Variants in PPARGC1B observed in about 807,000 individuals in gnomAD.
PPARGC1B encodes peroxisome proliferator-activated receptor gamma coactivator 1-beta.
In PPARGC1B, 34 loss-of-function variants were observed where a neutral mutation model predicts 101.6. The ratio of observed to expected loss-of-function variants is 0.33; its 90% CI spans 0.25 to 0.45. The LOEUF is 0.45. Ranked by LOEUF, PPARGC1B falls within the 20% of genes least tolerant of loss-of-function variation. The pLI, the probability that PPARGC1B is intolerant of heterozygous loss-of-function variation, is 1.00. For missense variants in PPARGC1B, 1,234 were observed against 1,317.6 expected (o/e 0.94, Z 0.98); for synonymous variants, 548 against 539.3 (o/e 1.02, Z -0.22).
intron 3 of PPARGC1B, among the ~76,000 whole-genome samples, chr5:149,828,182 C>T (rs1758602066): frequency 6.6e-6 from 1 of 152,200 alleles, no homozygotes; most frequent in Non-Finnish European, 1.5e-5. Flanking sequence ...CCTTCAAGTT[C>T]CCCAAAGCAG....
chr5:149,832,118 C>T lies in PPARGC1B; in HGVS notation c.583-538C>T, dbSNP rs1235314928. On this transcript the variant is annotated intron_variant, in intron 4 of 11. Coordinates refer to ENST00000309241, the MANE Select transcript of PPARGC1B (RefSeq NM_133263.4). This position sits in a 1 kb window ranked among gnomAD's most constrained non-coding sequence, Gnocchi z 4.9. ...GCTCAGGAGTTCAAGACCAGCCTGGCCAACGTGGTGAAACCTTGTCTCTAC... is the reference window on the plus strand; with the variant it reads ...GCTCAGGAGTTCAAGACCAGCCTGGTCAACGTGGTGAAACCTTGTCTCTAC... Among the ~76,000 whole-genome samples the T allele has an allele frequency of 6.6e-6, 1 of 151,954 alleles. No individual in the cohort carries two copies. Among genetic ancestry groups the T allele is most frequent in the Non-Finnish European group, 1.5e-5 (1 of 67,972 alleles).
At chr5:149,757,475 A>G (rs1287366538) in intron 1 of PPARGC1B, among the ~76,000 whole-genome samples, 1 of 152,182 alleles carries the variant, frequency 6.6e-6, no homozygotes, top group Non-Finnish European at 1.5e-5. Flanking sequence ...CTTGAGCTAC[A>G]GTATTTATTT....
At chr5:149,746,581 G>C (rs1371745176) in intron 1 of PPARGC1B, among the ~76,000 whole-genome samples, 1 of 152,082 alleles carries the variant, frequency 6.6e-6, no homozygotes, top group Admixed American at 6.5e-5. Flanking sequence ...ATATCTCTTG[G>C]AGACCCTGAC....
chr5:149,740,311 G>A (rs1444833482), intron 1 of PPARGC1B, among the ~76,000 whole-genome samples: 1 of 152,226 alleles, frequency 6.6e-6, no homozygotes, highest in Non-Finnish European at 1.5e-5. Context: ...GTGAAGAATA[G>A]TTGAGGCAAT....
At chr5:149,809,808 G>A (rs114671430) in intron 1 of PPARGC1B, among the ~76,000 whole-genome samples, 1,796 of 151,798 alleles carry the variant, frequency 0.012, 34 homozygotes, top group African/African-American at 0.041. Context: ...AGTGCTAATC[G>A]AGGGAATTCC....
chr5:149,780,318 T>G (rs1408502620), intron 1 of PPARGC1B, among the ~76,000 whole-genome samples: 3 of 152,238 alleles, frequency 2.0e-5, no homozygotes, highest in Admixed American at 2.0e-4. Context: ...TGACCCACGT[T>G]GGCTCTCCTG....
chr5:149,847,629 A>T lies in PPARGC1B; in HGVS notation c.*71A>T. 1 of 1,213,052 alleles carries T rather than the reference A, an allele frequency of 8.2e-7. No homozygotes were observed. Among genetic ancestry groups the T allele is most frequent in the Non-Finnish European group, 1.2e-6 (1 of 828,716 alleles). The allele number at this position is 1,213,052 out of a possible 1,614,324, so 75.1% of individuals were successfully genotyped here. On this transcript the variant is annotated 3_prime_UTR_variant, in exon 12 of 12. Coordinates refer to ENST00000309241, the MANE Select transcript of PPARGC1B (RefSeq NM_133263.4). ...CCCTTCCAATATGTTTACGTTTTCA[A>T]AGAAATCAAGTATATGAGGAGAGCG...
At chr5:149,736,741 C>T (rs1754725955) in intron 1 of PPARGC1B, among the ~76,000 whole-genome samples, 1 of 152,164 alleles carries the variant, frequency 6.6e-6, no homozygotes, top group African/African-American at 2.4e-5. Context: ...CCCATGGCTC[C>T]TCAGTACATT....
At chr5:149,793,774 A>C (rs558715715) in intron 1 of PPARGC1B, among the ~76,000 whole-genome samples, 1 of 152,174 alleles carries the variant, frequency 6.6e-6, no homozygotes, top group South Asian at 2.1e-4. Flanking sequence ...CTGAGACCCT[A>C]AAAACCAACG....
chr5:149,780,041 G>T (rs748113712), intron 1 of PPARGC1B, among the ~76,000 whole-genome samples: 4 of 152,238 alleles, frequency 2.6e-5, no homozygotes, highest in Non-Finnish European at 5.9e-5. Context: ...AGGTCTGAGT[G>T]AAAGGGCTTT....
chr5:149,847,333 C>T (rs751421098), intron 11 of PPARGC1B, 125 bp from the exon 12 acceptor site: 1 of 804,514 alleles, frequency 1.2e-6, no homozygotes, highest in African/African-American at 1.7e-5. Context: ...ATCCCAGCTC[C>T]CCAAGGCCTT....
intron 1 of PPARGC1B, among the ~76,000 whole-genome samples, chr5:149,784,820 GC>G (rs1462535103): frequency 6.6e-6 from 1 of 151,892 alleles, no homozygotes; most frequent in Non-Finnish European, 1.5e-5. Flanking sequence ...GCCTGCCTTG[GC>G]CTCCCAAAGT....
At position 149,833,708 on chromosome 5, in the gene PPARGC1B, G is replaced by T; in HGVS notation, c.1635G>T (p.Leu545=). 6.2e-7 allele frequency: 1 copy of T among 1,605,234 alleles called. No homozygotes were observed. The change falls in exon 5 of 12, where the codon CTG becomes CTT. Residue 545 remains leucine (L), a synonymous_variant. Coordinates refer to ENST00000309241, the MANE Select transcript of PPARGC1B (RefSeq NM_133263.4). The surrounding 1 kb of genome is among the most constrained non-coding windows in gnomAD (Gnocchi z 4.1). ...TACGGGGACCCCAGATCCCTGCCCT[G>T]GAGAGCCCCTGTGAGAGTGGGTGTG... The part of the protein sequence containing the change: ...QLLRGPQIPA[L]ESPCESGCGD...
chr5:149,739,983 C>G (rs1754856034), intron 1 of PPARGC1B: 1 of 152,278 alleles, frequency 6.6e-6, no homozygotes, highest in African/African-American at 2.4e-5. Flanking sequence ...CCACCCTGCT[C>G]TTTCCTCAGG....
chr5:149,733,332 G>A (rs1754573807), intron 1 of PPARGC1B, among the ~76,000 whole-genome samples: 1 of 152,192 alleles, frequency 6.6e-6, no homozygotes, highest in Non-Finnish European at 1.5e-5. Flanking sequence ...GGATCCCAAA[G>A]GACTGTGGGT....
chr5:149,799,702 T>TTTTTTG (rs1757368584), intron 1 of PPARGC1B, among the ~76,000 whole-genome samples: 1 of 130,442 alleles, frequency 7.7e-6, no homozygotes, highest in African/African-American at 2.9e-5. Context: ...TGTTTTTTTT[T>TTTTTTG]TTTTTTTTTT....
At chr5:149,841,735 C>G (rs1759345152) in intron 9 of PPARGC1B, among the ~76,000 whole-genome samples, 1 of 152,232 alleles carries the variant, frequency 6.6e-6, no homozygotes, top group Admixed American at 6.5e-5. Context: ...TGGGCACCCA[C>G]TGGCATAGCA....
chr5:149,757,160 G>A (rs541067837), intron 1 of PPARGC1B, among the ~76,000 whole-genome samples: 1 of 152,180 alleles, frequency 6.6e-6, no homozygotes, highest in Non-Finnish European at 1.5e-5. Flanking sequence ...TCTCTGCAAT[G>A]GTATTCATGC....
At chr5:149,856,081 G>C (rs1759941828), downstream of PPARGC1B, among the ~76,000 whole-genome samples, 1 of 152,050 alleles carries the variant, frequency 6.6e-6, no homozygotes, top group African/African-American at 2.4e-5. Context: ...CGTGGCAACA[G>C]AGCCTGGGCA....
Sources: allele counts gnomAD v4.1 joint callset (sites outside exome capture counted in the v4.1 genomes callset), GRCh38; gene constraint gnomAD v4.1.1; non-coding constraint Gnocchi (gnomAD v3.1); transcripts MANE v1.5; gene names NCBI Gene and HGNC (gene_info 2026-07-23, HGNC 2026-07-21).